MSRB3: variants seen among roughly 807,000 people sequenced by gnomAD.
The protein encoded by MSRB3 is methionine-R-sulfoxide reductase B3.
In MSRB3, 13 loss-of-function variants were observed where a neutral mutation model predicts 21.0. The ratio of observed to expected loss-of-function variants is 0.62; its 90% confidence interval spans 0.40 to 0.98. MSRB3 has a LOEUF of 0.98. Among genes scored for constraint, MSRB3 ranks in the 50% least tolerant of loss-of-function variants. MSRB3 has a pLI of 0.00. For missense variants in MSRB3, 199 were observed against 230.3 expected (o/e 0.86, Z 0.88); for synonymous variants, 87 against 88.6 (o/e 0.98, Z 0.10).
At chr12:65,349,014 C>T (rs1405303515) in intron 4 of MSRB3, among the ~76,000 whole-genome samples, 1 of 152,116 alleles carries the variant, frequency 6.6e-6, no homozygotes. Flanking sequence ...CCCACTAACT[C>T]GTCATCTAGC....
Position 65,348,536 on chromosome 12 carries a change from A to G in MSRB3, c.263+19933A>G, listed in dbSNP as rs559735591. Among the ~76,000 whole-genome samples the G allele has an allele frequency of 3.2e-3, 484 of 152,222 alleles. 1 individual carries two copies. The highest frequency in any genetic ancestry group is 0.011 in the African/African-American group (456 of 41,534). ...ATTTTGTTGATCTTTTCAAAAAACC[A>G]GCTCCTGGATTCACTGATTTTTTGA... is the stretch of plus-strand genomic sequence containing the variant. On this transcript the variant is annotated intron_variant, in intron 4 of 6. Coordinates refer to ENST00000308259, the MANE Select transcript of MSRB3 (RefSeq NM_001031679.3).
At chr12:65,354,638 TA>T (rs1877272150) in intron 4 of MSRB3, among the ~76,000 whole-genome samples, 1 of 151,694 alleles carries the variant, frequency 6.6e-6, no homozygotes, top group South Asian at 2.1e-4. Flanking sequence ...AATTTTTTTT[TA>T]AGAAAGATCT....
At chr12:65,448,576 G>C (rs1592647291) in intron 5 of MSRB3, among the ~76,000 whole-genome samples, 1 of 152,248 alleles carries the variant, frequency 6.6e-6, no homozygotes, top group African/African-American at 2.4e-5. Flanking sequence ...TGGAAATCTT[G>C]GTGGAAATGT....
chr12:65,329,664 T>C (rs990919819), intron 4 of MSRB3, among the ~76,000 whole-genome samples: 1 of 149,636 alleles, frequency 6.7e-6, no homozygotes, highest in African/African-American at 2.5e-5. Context: ...AAAAAAAAAG[T>C]AAATGTCATT....
intron 5 of MSRB3, among the ~76,000 whole-genome samples, chr12:65,435,206 A>G (rs555004358): frequency 1.3e-5 from 2 of 151,980 alleles, no homozygotes; most frequent in Non-Finnish European, 2.9e-5. Context: ...TTTGTTGTAT[A>G]AGAGGTGGTA....
At chr12:65,400,683 G>T (rs917749314) in intron 5 of MSRB3, among the ~76,000 whole-genome samples, 1 of 152,036 alleles carries the variant, frequency 6.6e-6, no homozygotes, top group African/African-American at 2.4e-5. Context: ...TGCTTCTCTG[G>T]TTCTTTTAAT....
intron 4 of MSRB3, among the ~76,000 whole-genome samples, chr12:65,366,820 A>C (rs1275320164): frequency 6.6e-6 from 1 of 152,180 alleles, no homozygotes; most frequent in African/African-American, 2.4e-5. Context: ...CCACTTACTG[A>C]ATCAGAATCA....
Position 65,365,959 on chromosome 12 carries a change from C to G in MSRB3, c.264-3039C>G, listed in dbSNP as rs369401653. 1.1e-3 allele frequency among the ~76,000 whole-genome samples: 166 copies of G among 152,242 alleles called. 1 individual carries two copies. The highest frequency in any genetic ancestry group is 3.6e-3 in the African/African-American group (150 of 41,542). On this transcript the variant is annotated intron_variant, in intron 4 of 6. Transcript: ENST00000308259. ...ATCTGTAGATAAATACCTCCTTTCTCTTGCTCTTTTTTGGGGGAGGGGTGC... is the reference window on the plus strand; with the variant it reads ...ATCTGTAGATAAATACCTCCTTTCTGTTGCTCTTTTTTGGGGGAGGGGTGC...
intron 1 of MSRB3, 150 bp from the exon 2 acceptor site, chr12:65,308,379 C>T (rs1753706121): frequency 1.5e-5 from 15 of 1,024,170 alleles, no homozygotes; most frequent in Admixed American, 4.1e-5. Context: ...AGTAAGCTCA[C>T]GGGCTGAAAA....
At chr12:65,460,920 A>G (rs1370511003) in intron 6 of MSRB3, among the ~76,000 whole-genome samples, 2 of 152,174 alleles carry the variant, frequency 1.3e-5, no homozygotes, top group Non-Finnish European at 2.9e-5. Flanking sequence ...TTAAGACCAT[A>G]TAACTCATTC....
At position 65,463,444 on chromosome 12, in the gene MSRB3, T is replaced by C; in HGVS notation, c.*122T>C. The C allele has an allele frequency of 8.1e-7, 1 of 1,228,974 alleles. No homozygotes were observed. Among genetic ancestry groups the C allele is most frequent in the Non-Finnish European group, 1.1e-6 (1 of 888,874 alleles). The allele number at this position is 1,228,974 out of a possible 1,614,324, so 76.1% of individuals were successfully genotyped here. ...TAAGGGCAGTTTTGTGCTATTGATA[T>C]TTTTTCTTCTTTTGCTTAAACAGAA... On this transcript the variant is annotated 3_prime_UTR_variant, in exon 7 of 7. Transcript: ENST00000308259.
Position 65,315,687 on chromosome 12 carries a change from A to C in MSRB3, c.76+7032A>C, listed in dbSNP as rs1489607701. 4.6e-5 allele frequency among the ~76,000 whole-genome samples: 7 copies of C among 151,940 alleles called. No homozygotes were observed. The East Asian group carries it at 9.7e-4, about 21-fold the overall frequency. On this transcript the variant is annotated intron_variant, in intron 2 of 6. Transcript: ENST00000308259. ...TGTCTCCATCTCAAAAAAAAAAAAA[A>C]AAAAAACCCATGAAATGACAAAAGA...
intron 5 of MSRB3, among the ~76,000 whole-genome samples, chr12:65,394,676 T>C (rs1322650637): frequency 6.6e-6 from 1 of 152,178 alleles, no homozygotes; most frequent in African/African-American, 2.4e-5. Flanking sequence ...TATGAATACA[T>C]ACACAAAATC....
chr12:65,411,039 T>G (rs888316673), intron 5 of MSRB3, among the ~76,000 whole-genome samples: 31 of 152,116 alleles, frequency 2.0e-4, no homozygotes, highest in African/African-American at 7.5e-4. Flanking sequence ...GTCTTGGGAA[T>G]GTGTTGAATA....
intron 1 of MSRB3, among the ~76,000 whole-genome samples, chr12:65,299,373 A>T (rs1873175222): frequency 6.6e-6 from 1 of 152,240 alleles, no homozygotes; most frequent in South Asian, 2.1e-4. Flanking sequence ...GCTGGTGAAT[A>T]GCTCTGCCTC....
chr12:65,384,336 AT>A (rs1879103431), intron 5 of MSRB3, among the ~76,000 whole-genome samples: 1 of 152,186 alleles, frequency 6.6e-6, no homozygotes, highest in Non-Finnish European at 1.5e-5. Flanking sequence ...TAATGAGTCT[AT>A]GTAACAAAAA....
chr12:65,307,527 T>C (rs1268667945), intron 1 of MSRB3, among the ~76,000 whole-genome samples: 1 of 152,178 alleles, frequency 6.6e-6, no homozygotes, highest in African/African-American at 2.4e-5. Context: ...TTTTTGGACA[T>C]TTAATGGTTA....
intron 4 of MSRB3, among the ~76,000 whole-genome samples, chr12:65,332,767 CCT>C (rs962441102): frequency 8.5e-5 from 13 of 152,092 alleles, no homozygotes; most frequent in African/African-American, 3.1e-4. Flanking sequence ...TATTTTACTT[CCT>C]CACAAAAAAG....
chr12:65,382,689 A>T (rs1565865661), intron 5 of MSRB3, among the ~76,000 whole-genome samples: 1 of 151,452 alleles, frequency 6.6e-6, no homozygotes, highest in African/African-American at 2.4e-5. Context: ...GATTTATTAG[A>T]TTTGTTGGGG....
Sources: allele counts gnomAD v4.1 joint callset (sites outside exome capture counted in the v4.1 genomes callset), GRCh38; gene constraint gnomAD v4.1.1; transcripts MANE v1.5; gene names NCBI Gene and HGNC (gene_info 2026-07-23, HGNC 2026-07-21).